The following ANKRD1 variants were observed in gnomAD, a reference collection of about 807,000 sequenced individuals.
ANKRD1 encodes the protein ankyrin repeat domain-containing protein 1.
Under a neutral mutation model 40.1 loss-of-function variants are expected in ANKRD1, and 32 were observed. That is an observed-to-expected ratio of 0.80 (90% CI 0.60 to 1.07). ANKRD1 has a LOEUF of 1.07. Ranked by LOEUF, ANKRD1 falls within the 50% of genes least tolerant of loss-of-function variation. The pLI is 0.00. For missense variants in ANKRD1, 359 were observed against 386.0 expected, an observed-to-expected ratio of 0.93 and a Z score of 0.59; for synonymous variants, 149 against 141.2, an observed-to-expected ratio of 1.06 and a Z score of -0.39.
intron 8 of ANKRD1, among the ~76,000 whole-genome samples, chr10:90,913,509 C>G (rs1240530469): frequency 6.6e-6 from 1 of 152,282 alleles, no homozygotes; most frequent in East Asian, 1.9e-4. Context: ...TCAATGGACT[C>G]TCCCAGGAAA....
At chr10:90,913,850 T>C (rs11186367) in intron 8 of ANKRD1, among the ~76,000 whole-genome samples, 36,411 of 152,002 alleles carry the variant, frequency 0.24, 4,662 homozygotes, top group African/African-American at 0.35. Context: ...ATTTGTGACT[T>C]CTATGAAAAA....
At chr10:90,920,435 C>T in intron 1 of ANKRD1, 87 bp from the exon 2 acceptor site, 1 of 1,505,706 alleles carries the variant, frequency 6.6e-7, no homozygotes, top group Non-Finnish European at 9.2e-7. Context: ...GGCTCTTGGT[C>T]CTTCTCCCCT....
chr10:90,917,376 T>C (rs1847383857), intron 5 of ANKRD1, among the ~76,000 whole-genome samples: 1 of 152,184 alleles, frequency 6.6e-6, no homozygotes, highest in African/African-American at 2.4e-5. Flanking sequence ...TTCGTATATG[T>C]TGCTGGCAGC....
rs750974250 is a variant in ANKRD1 at position 90,918,983 on chromosome 10, AATAAATAAATATATATATAT to A, written c.346-31_346-12del. 6.2e-4 allele frequency: 871 copies of A among 1,408,834 alleles called. 105 individuals are homozygous for A. The African/African-American group carries it at 0.013, about 21-fold the overall frequency. The allele number at this position is 1,408,834 out of a possible 1,614,324, so 87.3% of individuals were successfully genotyped here. ...ATCCACAGGTTCCGTCTAAAGCCAA[AATAAATAAATATATATATAT>A]ATATATATATATAGCATGAGAGTTA... On this transcript the variant is annotated splice_polypyrimidine_tract_variant and intron_variant, in intron 3 of 8. Transcript: ENST00000371697.
At chr10:90,920,089 C>G in intron 2 of ANKRD1, 80 bp downstream of exon 2, 191 of 1,538,142 alleles carry the variant, frequency 1.2e-4, no homozygotes, top group Non-Finnish European at 1.5e-4. Context: ...GGGTTTGTTT[C>G]TCTCTTCTCC....
rs1166962428 is a variant in ANKRD1, at chr10:90,916,278, G to C, written c.553-9C>G. On this transcript the variant is annotated splice_polypyrimidine_tract_variant and intron_variant, in intron 5 of 8. Transcript: ENST00000371697. Reference sequence around the variant, plus strand: ...ATGGCTGTGGATTCAAGCTATACCGGGAGGGAAGACCCGACAATGTGAAGG... The same window carrying C: ...ATGGCTGTGGATTCAAGCTATACCGCGAGGGAAGACCCGACAATGTGAAGG... The C allele has an allele frequency of 1.2e-6, 2 of 1,603,438 alleles. No individual in the cohort carries two copies.
At chr10:90,917,964 T>C in intron 4 of ANKRD1, 134 bp from the exon 5 acceptor site, 1 of 711,248 alleles carries the variant, frequency 1.4e-6, no homozygotes, top group Admixed American at 2.6e-5. Flanking sequence ...TGAATAGAAA[T>C]GTCAAAGTTA....
chr10:90,914,085 C>A (rs536266563), intron 8 of ANKRD1, among the ~76,000 whole-genome samples: 11 of 152,254 alleles, frequency 7.2e-5, no homozygotes, highest in Non-Finnish European at 1.2e-4. Context: ...AACTTCCCCA[C>A]CTCTGTAGTG....
At chr10:90,916,150 G>T in intron 6 of ANKRD1, 21 bp downstream of exon 6, 1 of 1,584,790 alleles carries the variant, frequency 6.3e-7, no homozygotes, top group Non-Finnish European at 8.7e-7. Context: ...TGAATGAAGG[G>T]AGAAGGAGAA....
At position 90,919,274 on chromosome 10, in the gene ANKRD1, AAAG is replaced by A; in HGVS notation, c.208-9_208-7del. The A allele has an allele frequency of 6.2e-7, 1 of 1,600,016 alleles. No homozygotes were observed. The highest frequency in any genetic ancestry group is 8.5e-7 in the Non-Finnish European group (1 of 1,175,064). Reference sequence around the variant, plus strand: ...TCTAGTTTTTTCTTTTTGAGCTAAAAAAGAAATTCGTATTTCAAAAATATGGTG... The same window carrying A: ...TCTAGTTTTTTCTTTTTGAGCTAAAAAAATTCGTATTTCAAAAATATGGTG... On this transcript the variant is annotated splice_region_variant and splice_polypyrimidine_tract_variant and intron_variant, in intron 2 of 8. Coordinates refer to ENST00000371697, the MANE Select transcript of ANKRD1 (RefSeq NM_014391.3).
At position 90,915,573 on chromosome 10, in the gene ANKRD1, C is replaced by T. The variant is rs748295632; in HGVS notation, c.819G>A (p.Met273Ile). 1.9e-6 allele frequency: 3 copies of T among 1,614,024 alleles called. No individual in the cohort carries two copies. Among genetic ancestry groups the T allele is most frequent in the Non-Finnish European group, 2.5e-6 (3 of 1,179,970 alleles). ...TCTTGATGTTGAGATCCGCGCCATA[C>T]ATAATCAGGAGTCGGATCATCTTAT... The part of the protein sequence containing the change: ...NRYKMIRLLI[M>I]YGADLNIKNC... Residue 273 changes from methionine (M) to isoleucine (I), a missense_variant, in exon 8 of 9, where the codon ATG becomes ATA. Physicochemically the swap from Met to Ile is conservative, Grantham distance 10 (BLOSUM62 1). Coordinates refer to ENST00000371697, the MANE Select transcript of ANKRD1 (RefSeq NM_014391.3).
chr10:90,919,014 A>ATATATATATATATATATATATATATATG (rs753813796), intron 3 of ANKRD1, 42 bp from the exon 4 acceptor site: 6 of 1,459,382 alleles, frequency 4.1e-6, no homozygotes, highest in South Asian at 1.2e-5. Flanking sequence ...ATATATATAT[A>ATATATATATATATATATATATATATATG]TAGCATGAGA....
intron 8 of ANKRD1, among the ~76,000 whole-genome samples, chr10:90,914,395 C>T (rs1037080221): frequency 1.3e-5 from 2 of 152,084 alleles, no homozygotes; most frequent in African/African-American, 4.8e-5. Context: ...CACAGTCTCC[C>T]TAAACCTGTA....
chr10:90,920,957 G>A (rs764297291), intron 1 of ANKRD1, 44 bp downstream of exon 1: 18 of 1,587,348 alleles, frequency 1.1e-5, no homozygotes, highest in Admixed American at 3.3e-5. Flanking sequence ...TAAAAACCAA[G>A]ATGAACCAGT....
intron 8 of ANKRD1, 87 bp from the exon 9 acceptor site, chr10:90,913,063 A>G: frequency 8.3e-7 from 1 of 1,197,884 alleles, no homozygotes; most frequent in East Asian, 2.3e-5. Flanking sequence ...TGAGGTAAGG[A>G]TTAGGTATAT....
At chr10:90,918,774 G>A (rs1483623000) in intron 4 of ANKRD1, 91 bp downstream of exon 4, 3 of 1,069,026 alleles carry the variant, frequency 2.8e-6, no homozygotes, top group Admixed American at 3.5e-5. Context: ...CAGGTGGAAG[G>A]ACTTTGGCAC....
intron 6 of ANKRD1, 66 bp from the exon 7 acceptor site, chr10:90,915,946 A>G: frequency 6.6e-7 from 1 of 1,521,044 alleles, no homozygotes; most frequent in Non-Finnish European, 9.0e-7. Flanking sequence ...AGACCCCAAG[A>G]CATGTGCGAG....
rs573892607 is a variant in ANKRD1, at chr10:90,919,220, C to G, written c.256G>C (p.Asp86His). Residue 86 changes from aspartate to histidine, a missense_variant, in exon 3 of 9, where the codon GAC (aspartate) becomes CAC (histidine). Coordinates refer to ENST00000371697, the MANE Select transcript of ANKRD1 (RefSeq NM_014391.3). ...TTCAGTTGAATGATTATTTCAAGGT[C>G]TTCTAAATTTTCAAGCTTTGATCTT... is the stretch of plus-strand genomic sequence containing the variant. Reference protein sequence around the residue: ...EQRSKLENLEDLEIIIQLKKR... With the variant: ...EQRSKLENLEHLEIIIQLKKR... The G allele has an allele frequency of 1.4e-4, 225 of 1,609,362 alleles. 1 individual carries two copies. In the South Asian group the frequency reaches 2.4e-3, roughly 17 times the overall value.
chr10:90,920,070 T>G, intron 2 of ANKRD1, 99 bp downstream of exon 2: 1 of 1,532,328 alleles, frequency 6.5e-7, no homozygotes, highest in Non-Finnish European at 9.0e-7. Flanking sequence ...AAGAGACATC[T>G]TAATGATTGG....
Sources: gnomAD v4.1 joint callset for allele counts (sites outside exome capture counted in the v4.1 genomes callset) on GRCh38, gnomAD v4.1.1 for gene constraint, MANE v1.5 for transcripts, NCBI Gene and HGNC (gene_info 2026-07-23, HGNC 2026-07-21) for gene names.